The following NDUFB11 variants were observed in gnomAD, a reference collection of about 807,000 sequenced individuals.
The protein encoded by NDUFB11 is NADH:ubiquinone oxidoreductase subunit B11.
For synonymous variants in NDUFB11, 51 were observed against 57.4 expected, an observed-to-expected ratio of 0.89 and a Z score of 0.51; for missense variants, 108 against 133.8, an observed-to-expected ratio of 0.81 and a Z score of 0.95.
chrX:47,144,047 C>A (rs1222058741), intron 1 of NDUFB11, among the ~76,000 whole-genome samples: 2 of 109,622 alleles, frequency 1.8e-5, no homozygotes, highest in Non-Finnish European at 3.8e-5. Context: ...AATCCCAGCA[C>A]CTTGGGAGGC....
At chrX:47,144,445 T>TGGCCCCCCCCCC in intron 1 of NDUFB11, 28 bp downstream of exon 1, 1 of 61,005 alleles carries the variant, frequency 1.6e-5, no homozygotes, top group Non-Finnish European at 2.6e-5. Context: ...CCGTCCCCAC[T>TGGCCCCCCCCCC]ACCCCCCCCC....
chrX:47,144,282 C>G (rs1046591723), intron 1 of NDUFB11, among the ~76,000 whole-genome samples, 191 bp downstream of exon 1: 17 of 109,625 alleles, frequency 1.6e-4, no homozygotes, highest in Non-Finnish European at 2.9e-4. Context: ...GCCTCTGGCC[C>G]TGGAACGAAG....
chrX:47,142,344 G>A lies in NDUFB11; in HGVS notation c.435C>T (p.Ser145=). 3 of 1,210,502 alleles carry A rather than the reference G, an allele frequency of 2.5e-6. No individual in the cohort carries two copies. The highest frequency in any genetic ancestry group is 3.4e-6 in the Non-Finnish European group (3 of 895,077). The part of the protein sequence containing the change: ...PIMESNCFDP[S]KIQLPEDE ...ACTCATCCTCTGGCAGCTGGATCTT[G>A]CTGGGGTCGAAGCAGTTGGATTCCA... Residue 145 remains serine, a synonymous_variant, in exon 3 of 3, where the codon AGC becomes AGT. Coordinates refer to ENST00000377811, the MANE Select transcript of NDUFB11 (RefSeq NM_001135998.3).
chrX:47,144,463 C>CCCCCCCCGCG lies in NDUFB11; in HGVS notation c.207+9_207+10insCGCGGGGGGG. ...TCCCCACTACCCCCCCCCCCCCCCC[C>CCCCCCCCGCG]GCCTCTCACCTTCTCATACAAGTTT... On this transcript the variant is annotated intron_variant, in intron 1 of 2. Transcript: ENST00000377811. 1 of 462,377 alleles carries CCCCCCCCGCG rather than the reference C, an allele frequency of 2.2e-6. No homozygotes were observed. The highest frequency in any genetic ancestry group is 2.7e-6 in the Non-Finnish European group (1 of 370,904). The allele number at this position is 462,377 out of a possible 1,213,427, so 38.1% of individuals were successfully genotyped here. A position where few individuals can be genotyped will look rare whatever the true frequency, so the allele number is the denominator to read the frequency against.
chrX:47,144,445 T>TGGGGGGGGCCCCCCCCCCCCC, intron 1 of NDUFB11, 28 bp downstream of exon 1: 1 of 61,005 alleles, frequency 1.6e-5, no homozygotes, highest in Non-Finnish European at 2.6e-5. Flanking sequence ...CCGTCCCCAC[T>TGGGGGGGGCCCCCCCCCCCCC]ACCCCCCCCC....
upstream of NDUFB11, chrX:47,145,358 G>T (rs181770538): frequency 7.0e-5 from 69 of 992,740 alleles, no homozygotes; most frequent in Non-Finnish European, 8.5e-5. Flanking sequence ...CCCTCCCCCC[G>T]ATCTGCCTCC....
upstream of NDUFB11, chrX:47,145,247 G>A: frequency 2.1e-6 from 1 of 477,409 alleles, no homozygotes. Context: ...TCGGAGCGCC[G>A]ACTCCCTTCT....
At chrX:47,143,523 T>C (rs1050850765) in intron 1 of NDUFB11, among the ~76,000 whole-genome samples, 4 of 112,361 alleles carry the variant, frequency 3.6e-5, no homozygotes, top group Non-Finnish European at 7.5e-5. Context: ...TCTTTTCACA[T>C]AGAAACACCT....
chrX:47,144,463 C>A lies in NDUFB11; in HGVS notation c.207+10G>T. On this transcript the variant is annotated intron_variant, in intron 1 of 2. Coordinates refer to ENST00000377811, the MANE Select transcript of NDUFB11 (RefSeq NM_001135998.3). ...TCCCCACTACCCCCCCCCCCCCCCCCGCCTCTCACCTTCTCATACAAGTTT... is the reference window on the plus strand; with the variant it reads ...TCCCCACTACCCCCCCCCCCCCCCCAGCCTCTCACCTTCTCATACAAGTTT... The A allele has an allele frequency of 6.5e-6, 3 of 462,373 alleles. No individual in the cohort carries two copies. The highest frequency in any genetic ancestry group is 5.4e-6 in the Non-Finnish European group (2 of 370,902). The allele number at this position is 462,373 out of a possible 1,213,427, so 38.1% of individuals were successfully genotyped here.
At chrX:47,145,007 G>C (rs182036815), upstream of NDUFB11, 49 of 302,668 alleles carry the variant, frequency 1.6e-4, no homozygotes, top group East Asian at 2.5e-3. Flanking sequence ...TGGGGAAAGA[G>C]GCAGAGCTTC....
intron 2 of NDUFB11, 83 bp downstream of exon 2, chrX:47,142,531 C>A (rs1302296134): frequency 4.0e-5 from 48 of 1,202,111 alleles, no homozygotes; most frequent in African/African-American, 1.8e-5. Flanking sequence ...GGTGCAGGAA[C>A]AAAACTCCTG....
intron 1 of NDUFB11, among the ~76,000 whole-genome samples, chrX:47,143,898 G>A (rs1931866269): frequency 8.9e-6 from 1 of 111,999 alleles, no homozygotes; most frequent in Admixed American, 9.5e-5. Context: ...ACATCTCTGT[G>A]CCTCAGTTTC....
chrX:47,144,774 C>T, upstream of NDUFB11: 2 of 841,283 alleles, frequency 2.4e-6, no homozygotes, highest in Non-Finnish European at 1.6e-6. Flanking sequence ...GCCCCGCCTC[C>T]GCCACGCTAT....
chrX:47,143,853 T>C (rs1931863553), intron 1 of NDUFB11, among the ~76,000 whole-genome samples: 1 of 112,051 alleles, frequency 8.9e-6, no homozygotes, highest in Non-Finnish European at 1.9e-5. Context: ...ACCTCCACCA[T>C]GTATTCAGTT....
chrX:47,145,143 T>C (rs190515179), upstream of NDUFB11: 7 of 386,033 alleles, frequency 1.8e-5, no homozygotes, highest in Admixed American at 3.1e-4. Flanking sequence ...TGGCCAGCGC[T>C]TGCCAATCAG....
upstream of NDUFB11, chrX:47,144,928 A>T (rs998717491): frequency 2.7e-5 from 9 of 332,402 alleles, no homozygotes; most frequent in African/African-American, 2.3e-4. Flanking sequence ...CATTTCCTGC[A>T]TAGGAAGAAA....
In NDUFB11 at chrX:47,144,529, G is replaced by C. The variant is rs782174821; in HGVS notation, c.151C>G (p.Pro51Ala). The C allele has an allele frequency of 1.0e-5, 12 of 1,175,639 alleles. No homozygotes were observed. The highest frequency in any genetic ancestry group is 1.4e-5 in the Non-Finnish European group (12 of 878,148). ...SAVAGKRPPE[P>A]TTPWQEDPEP... ...GGGTCCTCTTGCCACGGTGTGGTCG[G>C]TTCTGGGGGCCGCTTTCCCGCCACA... The change falls in exon 1 of 3, where the codon CCG becomes GCG. Residue 51 changes from proline (P) to alanine (A), a missense_variant. Transcript: ENST00000377811.
In NDUFB11 at chrX:47,144,467, T is replaced by A; in HGVS notation, c.207+6A>T. On this transcript the variant is annotated splice_donor_region_variant and intron_variant, in intron 1 of 2. Coordinates refer to ENST00000377811, the MANE Select transcript of NDUFB11 (RefSeq NM_001135998.3). ...CACTACCCCCCCCCCCCCCCCCGCC[T>A]CTCACCTTCTCATACAAGTTTTCGT... The A allele has an allele frequency of 1.6e-5, 2 of 126,158 alleles. No homozygotes were observed. Among genetic ancestry groups the A allele is most frequent in the Non-Finnish European group, 2.2e-5 (2 of 92,271 alleles). 10.4% of individuals were successfully genotyped at this position (126,158 alleles called of 1,213,427 possible).
In NDUFB11 at chrX:47,144,617, C is replaced by T. The variant is rs1556761281; in HGVS notation, c.63G>A (p.Gly21=). The T allele has an allele frequency of 8.4e-7, 1 of 1,195,197 alleles. No homozygotes were observed. ...CCCAGCGGACGCGGGCGGCCGGGAG[C>T]CCTCGCGTCGCCGCTGCCGCCAAAA... ...RRLLAAAATR[G]LPAARVRWES... is the part of the protein sequence containing the mutation. The change falls in exon 1 of 3, where the codon GGG becomes GGA. Residue 21 remains glycine (G), a synonymous_variant. Transcript: ENST00000377811.
Sources: allele counts gnomAD v4.1 joint callset (sites outside exome capture counted in the v4.1 genomes callset), GRCh38; gene constraint gnomAD v4.1.1; transcripts MANE v1.5; gene names NCBI Gene and HGNC (gene_info 2026-07-23, HGNC 2026-07-21).